The following TFCP2L1 variants were observed in gnomAD, a reference collection of about 807,000 sequenced individuals.
TFCP2L1 encodes transcription factor CP2-like protein 1.
Under a neutral mutation model 72.2 loss-of-function variants are expected in TFCP2L1, and 12 were observed. The observed-to-expected ratio is 0.17, with a 90% CI of 0.11 to 0.27. The LOEUF is 0.27. Among genes scored for constraint, TFCP2L1 ranks in the 10% least tolerant of loss-of-function variants. The pLI is 1.00. For synonymous variants in TFCP2L1, 260 were observed against 251.0 expected, an observed-to-expected ratio of 1.04 and a Z score of -0.34; for missense variants, 488 against 624.6, an observed-to-expected ratio of 0.78 and a Z score of 2.33.
intron 13 of TFCP2L1, among the ~76,000 whole-genome samples, chr2:121,231,190 T>C (rs1179793716): frequency 6.6e-6 from 1 of 152,210 alleles, no homozygotes; most frequent in African/African-American, 2.4e-5. Flanking sequence ...TACACACTCC[T>C]GTTATTAGGT....
chr2:121,285,172 G>A lies in TFCP2L1; in HGVS notation c.-63C>T, dbSNP rs1178426813. The A allele has an allele frequency of 3.9e-5, 53 of 1,355,584 alleles. No homozygotes were observed. The East Asian group carries it at 1.2e-3, about 30-fold the overall frequency. The allele number at this position is 1,355,584 out of a possible 1,614,324, so 84.0% of individuals were successfully genotyped here. A position where few individuals can be genotyped will look rare whatever the true frequency, so the allele number is the denominator to read the frequency against. On this transcript the variant is annotated 5_prime_UTR_variant, in exon 1 of 15. Coordinates refer to ENST00000263707, the MANE Select transcript of TFCP2L1 (RefSeq NM_014553.3). ...CAAGCGCAGACGCGGGGCGCGCCGA[G>A]GACCCAGCGGCGGCTTCGCGCTCCG... is the stretch of plus-strand genomic sequence containing the variant.
At chr2:121,282,135 G>C (rs549271684) in intron 1 of TFCP2L1, among the ~76,000 whole-genome samples, 1 of 151,840 alleles carries the variant, frequency 6.6e-6, no homozygotes, top group African/African-American at 2.4e-5. Context: ...GTTCCACCAT[G>C]TTGGTCAGGC....
intron 2 of TFCP2L1, among the ~76,000 whole-genome samples, chr2:121,267,107 G>A (rs1686947517): frequency 6.6e-6 from 1 of 151,972 alleles, no homozygotes; most frequent in African/African-American, 2.4e-5. Context: ...TAGTAGAGAT[G>A]AGGTTTCACC....
At chr2:121,247,532 T>C (rs1447829894) in intron 5 of TFCP2L1, among the ~76,000 whole-genome samples, 7 of 151,508 alleles carry the variant, frequency 4.6e-5, no homozygotes, top group Non-Finnish European at 8.8e-5. Flanking sequence ...TTTAAACATA[T>C]TAAGAGTATT....
rs1573359582 is a variant in TFCP2L1, at chr2:121,232,107, T to TTTTGTTTTG, written c.1199-140_1199-139insCAAAACAAA. 66 of 533,414 alleles carry TTTTGTTTTG rather than the reference T, an allele frequency of 1.2e-4. 2 individuals carry two copies. The highest frequency in any genetic ancestry group is 7.9e-4 in the Middle Eastern group (2 of 2,538). The allele number at this position is 533,414 out of a possible 1,614,324, so 33.0% of individuals were successfully genotyped here. On this transcript the variant is annotated intron_variant, in intron 12 of 14. Coordinates refer to ENST00000263707, the MANE Select transcript of TFCP2L1 (RefSeq NM_014553.3). ...GCGGGGCAGGACCACACTGCCACTC[T>TTTTGTTTTG]TTTTGTTTTGTTTTGTTTTGTTTTG... is the stretch of plus-strand genomic sequence containing the variant.
At chr2:121,257,124 T>G (rs1239089134) in intron 2 of TFCP2L1, among the ~76,000 whole-genome samples, 2 of 152,182 alleles carry the variant, frequency 1.3e-5, no homozygotes, top group African/African-American at 4.8e-5. Context: ...GAGCCCAGAT[T>G]ACTTTGTGAT....
intron 6 of TFCP2L1, among the ~76,000 whole-genome samples, chr2:121,245,408 T>C (rs2104697512): frequency 6.6e-6 from 1 of 152,318 alleles, no homozygotes; most frequent in Admixed American, 6.5e-5. Flanking sequence ...GTCATAAAAT[T>C]TGTGGCCATT....
chr2:121,241,129 C>A (rs1455324140), intron 7 of TFCP2L1, among the ~76,000 whole-genome samples: 1 of 152,192 alleles, frequency 6.6e-6, no homozygotes, highest in African/African-American at 2.4e-5. Context: ...GTCAGCCTGA[C>A]TGCAGAACAC....
In TFCP2L1 at chr2:121,225,548, G is replaced by C. The variant is rs763788717; in HGVS notation, c.1393+14C>G. ...TGCCCCCACAACTACCCTAGGGGGA[G>C]GGGGAGGCTTCACCTTTAATTGTGC... On this transcript the variant is annotated intron_variant, in intron 14 of 14. Coordinates refer to ENST00000263707, the MANE Select transcript of TFCP2L1 (RefSeq NM_014553.3). 1 of 1,613,662 alleles carries C rather than the reference G, an allele frequency of 6.2e-7. No homozygotes were observed. The highest frequency in any genetic ancestry group is 1.1e-5 in the South Asian group (1 of 91,076).
intron 2 of TFCP2L1, among the ~76,000 whole-genome samples, chr2:121,265,640 C>T (rs572592592): frequency 2.0e-5 from 3 of 152,136 alleles, no homozygotes; most frequent in East Asian, 3.9e-4. Context: ...TGAGCCATCA[C>T]GCCTGGCTAA....
chr2:121,228,518 G>C (rs1047804551), intron 13 of TFCP2L1, among the ~76,000 whole-genome samples: 2 of 150,954 alleles, frequency 1.3e-5, no homozygotes, highest in Non-Finnish European at 3.0e-5. Context: ...CCAGCACCTT[G>C]AGAGGCCAAG....
At chr2:121,255,584 A>G (rs1365303323) in intron 2 of TFCP2L1, among the ~76,000 whole-genome samples, 1 of 152,186 alleles carries the variant, frequency 6.6e-6, no homozygotes, top group Non-Finnish European at 1.5e-5. Flanking sequence ...GTGTCCTGTT[A>G]AAGATCAAAC....
intron 2 of TFCP2L1, among the ~76,000 whole-genome samples, chr2:121,271,577 C>A (rs1352850683): frequency 3.3e-5 from 5 of 152,110 alleles, no homozygotes; most frequent in African/African-American, 4.8e-5. Flanking sequence ...GGAAAAAAGA[C>A]AATAAACAAA....
Position 121,242,395 on chromosome 2 carries a change from T to C in TFCP2L1, c.732A>G (p.Lys244=). The change falls in exon 7 of 15, where the codon AAA becomes AAG. Residue 244 remains lysine, a synonymous_variant. Coordinates refer to ENST00000263707, the MANE Select transcript of TFCP2L1 (RefSeq NM_014553.3). ...TGGTGGTTTCATAGGACGGCTGGTA[T>C]TTCTCCTTCTCTTGGGCAGTTCTTT... The part of the protein sequence containing the change: ...MEKRTAQEKE[K]YQPSYETTIL... 6.2e-7 allele frequency: 1 copy of C among 1,614,204 alleles called. No individual in the cohort carries two copies. Among genetic ancestry groups the C allele is most frequent in the Non-Finnish European group, 8.5e-7 (1 of 1,180,038 alleles).
chr2:121,283,113 T>G (rs1374531005), intron 1 of TFCP2L1, among the ~76,000 whole-genome samples: 1 of 152,166 alleles, frequency 6.6e-6, no homozygotes, highest in Non-Finnish European at 1.5e-5. Flanking sequence ...TGCCTTTAAA[T>G]TTTTTAAACA....
At chr2:121,225,516 T>C in intron 14 of TFCP2L1, 46 bp downstream of exon 14, 1 of 1,599,686 alleles carries the variant, frequency 6.3e-7, no homozygotes, top group Non-Finnish European at 8.6e-7. Context: ...GGCCCCACCC[T>C]CTCACCTGCC....
In TFCP2L1 at chr2:121,233,850, A is replaced by G. The variant is rs367878042; in HGVS notation, c.1198+241T>C. On this transcript the variant is annotated intron_variant, in intron 12 of 14. Coordinates refer to ENST00000263707, the MANE Select transcript of TFCP2L1 (RefSeq NM_014553.3). The stretch of plus-strand genomic sequence containing the variant: ...TGGAAGCAAGATCTGGGACAATCCC[A>G]ACACCTTCCCAAGCCTCGGGGTGTG... Among the ~76,000 whole-genome samples, 350 of 152,346 alleles carry G rather than the reference A, an allele frequency of 2.3e-3. 3 individuals are homozygous for G. The highest frequency in any genetic ancestry group is 7.9e-3 in the African/African-American group (329 of 41,580).
At chr2:121,252,060 C>T (rs1431046683) in intron 2 of TFCP2L1, among the ~76,000 whole-genome samples, 1 of 152,080 alleles carries the variant, frequency 6.6e-6, no homozygotes, top group Admixed American at 6.6e-5. Context: ...CTATTCTATT[C>T]TATTTTTGAG....
intron 2 of TFCP2L1, among the ~76,000 whole-genome samples, chr2:121,257,209 G>A (rs879723052): frequency 1.3e-5 from 2 of 152,158 alleles, no homozygotes; most frequent in South Asian, 2.1e-4. Flanking sequence ...AGGGGCTGGG[G>A]AGGCACAGTG....
Sources: gnomAD v4.1 joint callset for allele counts (sites outside exome capture counted in the v4.1 genomes callset) on GRCh38, gnomAD v4.1.1 for gene constraint, MANE v1.5 for transcripts, NCBI Gene and HGNC (gene_info 2026-07-23, HGNC 2026-07-21) for gene names.